The following CMIP variants were observed in gnomAD, a reference collection of about 807,000 sequenced individuals.
CMIP encodes the protein C-Maf-inducing protein.
In CMIP, 13 loss-of-function variants were observed where a neutral mutation model predicts 97.3. The ratio of observed to expected loss-of-function variants is 0.13; its 90% CI spans 0.09 to 0.21. CMIP has a LOEUF of 0.21. CMIP is among the 10% of genes least tolerant of loss of function. The probability of loss-of-function intolerance (pLI) is 1.00; values close to 1 mark genes in which losing one functional copy is unlikely to be tolerated. For missense variants in CMIP, 847 were observed against 1,024.9 expected, an observed-to-expected ratio of 0.83 and a Z score of 2.37; for synonymous variants, 538 against 436.3, an observed-to-expected ratio of 1.23 and a Z score of -2.91.
At chr16:81,668,349 CG>C (rs2092633446) in intron 7 of CMIP, among the ~76,000 whole-genome samples, 3 of 152,264 alleles carry the variant, frequency 2.0e-5, no homozygotes, top group South Asian at 4.1e-4. Flanking sequence ...GGAATGAATG[CG>C]GCGGCCAGAT....
intron 1 of CMIP, among the ~76,000 whole-genome samples, chr16:81,516,884 C>T (rs1418273497): frequency 5.3e-5 from 8 of 152,068 alleles, no homozygotes; most frequent in African/African-American, 1.9e-4. Flanking sequence ...CAGTGAAAAA[C>T]CACACGGCCT....
Position 81,604,035 on chromosome 16 carries a change from C to T in CMIP, c.301-3532C>T, listed in dbSNP as rs527439509. Among the ~76,000 whole-genome samples the T allele has an allele frequency of 1.2e-4, 19 of 152,302 alleles. 1 individual carries two copies. The South Asian group carries it at 3.7e-3, about 30-fold the overall frequency. ...CGGCCCAAACACAAGTCTCCTTGGT[C>T]CTAAAAAGTCTGCTTTTGGCCAAAT... is the stretch of plus-strand genomic sequence containing the variant. On this transcript the variant is annotated intron_variant, in intron 1 of 20. Transcript: ENST00000537098.
At chr16:81,499,648 G>A (rs530414129) in intron 1 of CMIP, among the ~76,000 whole-genome samples, 2 of 152,244 alleles carry the variant, frequency 1.3e-5, no homozygotes, top group Non-Finnish European at 2.9e-5. Context: ...TAGCAGACTG[G>A]GCTGGCATGT....
chr16:81,538,337 T>C (rs1316530364), intron 1 of CMIP, among the ~76,000 whole-genome samples: 1 of 152,212 alleles, frequency 6.6e-6, no homozygotes, highest in Non-Finnish European at 1.5e-5. Context: ...GTGGCCCAGT[T>C]GCATAAACAC....
intron 1 of CMIP, among the ~76,000 whole-genome samples, chr16:81,494,238 C>T (rs991851140): frequency 1.1e-4 from 17 of 152,188 alleles, no homozygotes; most frequent in Non-Finnish European, 1.8e-4. Flanking sequence ...ATTTCAGACT[C>T]GTCTTTCATC....
intron 1 of CMIP, among the ~76,000 whole-genome samples, chr16:81,512,020 C>T (rs2089821623): frequency 6.6e-6 from 1 of 152,132 alleles, no homozygotes; most frequent in Non-Finnish European, 1.5e-5. Flanking sequence ...CAGTATCTCA[C>T]TACTCATTTT....
chr16:81,635,637 G>C (rs541058558), intron 3 of CMIP, among the ~76,000 whole-genome samples: 9 of 152,312 alleles, frequency 5.9e-5, no homozygotes, highest in African/African-American at 2.2e-4. Flanking sequence ...TCTGCTGCCA[G>C]ACAAATATAT....
At chr16:81,565,997 G>C (rs2150880166) in intron 1 of CMIP, among the ~76,000 whole-genome samples, 1 of 152,334 alleles carries the variant, frequency 6.6e-6, no homozygotes. Context: ...GGAGACTCCA[G>C]GCGAGAAACT....
chr16:81,648,383 C>T (rs562879725), intron 3 of CMIP, among the ~76,000 whole-genome samples: 6 of 152,146 alleles, frequency 3.9e-5, no homozygotes, highest in East Asian at 2.0e-4. Flanking sequence ...CCCTCAGCAT[C>T]GCGTGAGGGC....
intron 1 of CMIP, among the ~76,000 whole-genome samples, chr16:81,448,956 A>ACAGCCAGGG (rs1234731230): frequency 6.6e-6 from 1 of 152,148 alleles, no homozygotes; most frequent in Non-Finnish European, 1.5e-5. Context: ...GTTGTAAATG[A>ACAGCCAGGG]CAGCCAGGGC....
chr16:81,667,742 AGGAGGGAG>A (rs1178603381), intron 7 of CMIP, among the ~76,000 whole-genome samples: 1 of 118,306 alleles, frequency 8.5e-6, no homozygotes, highest in Non-Finnish European at 1.7e-5. Context: ...TTTCTAACCC[AGGAGGGAG>A]GGAGGGAGGG....
At chr16:81,659,915 C>A (rs1370323984) in intron 5 of CMIP, among the ~76,000 whole-genome samples, 1 of 152,222 alleles carries the variant, frequency 6.6e-6, no homozygotes, top group Non-Finnish European at 1.5e-5. Flanking sequence ...TATTATGATG[C>A]CTTCTGGAGC....
chr16:81,468,216 C>T (rs1039436436), intron 1 of CMIP, among the ~76,000 whole-genome samples: 4 of 152,168 alleles, frequency 2.6e-5, no homozygotes, highest in Non-Finnish European at 5.9e-5. Context: ...GGCAGAAGGC[C>T]ATGGTTCTCT....
intron 1 of CMIP, among the ~76,000 whole-genome samples, chr16:81,522,900 A>G (rs2090055771): frequency 6.6e-6 from 1 of 152,090 alleles, no homozygotes. Context: ...ATAATCATAA[A>G]CAATATATAA....
chr16:81,536,372 T>G (rs2090342909), intron 1 of CMIP, among the ~76,000 whole-genome samples: 1 of 152,160 alleles, frequency 6.6e-6, no homozygotes, highest in Non-Finnish European at 1.5e-5. Context: ...GTGTGCTTGC[T>G]ATTCGGTACC....
chr16:81,594,477 A>C (rs548610525), intron 1 of CMIP, among the ~76,000 whole-genome samples: 1 of 152,028 alleles, frequency 6.6e-6, no homozygotes, highest in South Asian at 2.1e-4. Flanking sequence ...GGTTGATTTC[A>C]CCGTACAGCA....
chr16:81,456,325 G>A (rs4888146), intron 1 of CMIP, among the ~76,000 whole-genome samples: 26,413 of 152,200 alleles, frequency 0.17, 2,541 homozygotes, highest in Non-Finnish European at 0.22. Flanking sequence ...GCCCCGTGAG[G>A]CGTTAGCAGG....
intron 4 of CMIP, among the ~76,000 whole-genome samples, chr16:81,654,511 G>A (rs1378690758): frequency 6.6e-6 from 1 of 152,190 alleles, no homozygotes; most frequent in South Asian, 2.1e-4. Context: ...TGAAGCTACT[G>A]TGTCAGGCAA....
At chr16:81,597,623 G>C (rs1003958397) in intron 1 of CMIP, among the ~76,000 whole-genome samples, 1 of 151,252 alleles carries the variant, frequency 6.6e-6, no homozygotes, top group Non-Finnish European at 1.5e-5. Flanking sequence ...AGCCTGGAAG[G>C]TCCTGGGACT....
Sources: gnomAD v4.1 joint callset for allele counts (sites outside exome capture counted in the v4.1 genomes callset) on GRCh38, gnomAD v4.1.1 for gene constraint, MANE v1.5 for transcripts, NCBI Gene and HGNC (gene_info 2026-07-23, HGNC 2026-07-21) for gene names.